RTL4: variants seen among roughly 807,000 people sequenced by gnomAD.
RTL4 encodes retrotransposon Gag-like protein 4.
In RTL4, 4 loss-of-function variants were observed where a neutral mutation model predicts 5.3. That is an observed-to-expected ratio of 0.75 (90% CI 0.37 to 1.72). The LOEUF (loss-of-function observed/expected upper bound fraction) is 1.72. Ranked by LOEUF, RTL4 falls within the 40% of genes most tolerant of loss-of-function variation. RTL4 has a pLI of 0.04. For synonymous variants in RTL4, 98 were observed against 87.3 expected (o/e 1.12, Z -0.68); for missense variants, 260 against 227.1 (o/e 1.14, Z -0.93).
the RTL4 span, among the ~76,000 whole-genome samples, chrX:112,381,080 G>A: frequency 9.0e-6 from 1 of 111,384 alleles, no homozygotes; most frequent in Non-Finnish European, 1.9e-5. Context: ...AGCCTCCAGG[G>A]TTGCTGGGCA....
the RTL4 span, among the ~76,000 whole-genome samples, chrX:112,380,003 C>T: frequency 9.0e-6 from 1 of 111,217 alleles, no homozygotes; most frequent in Non-Finnish European, 1.9e-5. Flanking sequence ...TATCTCAACT[C>T]TGGAAATCAC....
chrX:112,143,774 G>T, the RTL4 span, among the ~76,000 whole-genome samples: 1 of 111,347 alleles, frequency 9.0e-6, no homozygotes, highest in African/African-American at 3.3e-5. Context: ...AGAATTTCTG[G>T]GTATGGGTCC....
chrX:112,264,116 G>C, the RTL4 span, among the ~76,000 whole-genome samples: 8 of 111,235 alleles, frequency 7.2e-5, no homozygotes, highest in African/African-American at 2.3e-4. Context: ...TCAAGTGTCT[G>C]GTCCAAACCA....
chrX:112,381,119 A>C, the RTL4 span, among the ~76,000 whole-genome samples: 1 of 110,622 alleles, frequency 9.0e-6, no homozygotes, highest in Admixed American at 9.5e-5. Flanking sequence ...CACCGAACGG[A>C]TAAACTACGG....
At chrX:112,202,668 C>T in the RTL4 span, among the ~76,000 whole-genome samples, 1 of 108,808 alleles carries the variant, frequency 9.2e-6, no homozygotes, top group Non-Finnish European at 1.9e-5. Flanking sequence ...TCAAGCGATT[C>T]TCCTGCCTCA....
At chrX:112,455,466 C>G in exon 1 of RTL4, 8 of 1,210,977 alleles carry the variant, frequency 6.6e-6, no homozygotes, top group Non-Finnish European at 7.8e-6. Context: ...CCCTCTTTAG[C>G]CCCACAGATC....
the RTL4 span, among the ~76,000 whole-genome samples, chrX:112,234,171 G>A: frequency 3.6e-5 from 4 of 110,652 alleles, no homozygotes; most frequent in Admixed American, 9.6e-5. Context: ...TAGCCTGGGC[G>A]ACAGAGTGAG....
chrX:112,313,005 G>A, the RTL4 span, among the ~76,000 whole-genome samples: 3 of 111,412 alleles, frequency 2.7e-5, no homozygotes, highest in Admixed American at 9.7e-5. Context: ...GAATGTGTGT[G>A]TGCATACGTA....
chrX:112,353,322 C>T, the RTL4 span, among the ~76,000 whole-genome samples: 4 of 111,354 alleles, frequency 3.6e-5, no homozygotes, highest in Admixed American at 3.8e-4. Flanking sequence ...ACCCAGCCAT[C>T]CTATTACTGG....
At chrX:112,189,079 C>G in the RTL4 span, among the ~76,000 whole-genome samples, 1 of 110,870 alleles carries the variant, frequency 9.0e-6, no homozygotes. Flanking sequence ...GACACAATCC[C>G]AAGCGCCATA....
chrX:112,234,766 A>G, the RTL4 span, among the ~76,000 whole-genome samples: 6 of 112,255 alleles, frequency 5.3e-5, no homozygotes, highest in African/African-American at 1.9e-4. Context: ...AGGTGGGATC[A>G]GCATCACTCC....
the RTL4 span, among the ~76,000 whole-genome samples, chrX:112,125,424 T>A: frequency 9.0e-6 from 1 of 111,287 alleles, no homozygotes; most frequent in African/African-American, 3.3e-5. Context: ...AAACCACCAC[T>A]CTCCCCACAA....
the RTL4 span, among the ~76,000 whole-genome samples, chrX:112,315,115 T>G: frequency 8.9e-6 from 1 of 111,801 alleles, no homozygotes; most frequent in Admixed American, 9.5e-5. Flanking sequence ...AAAAACCTTA[T>G]ATTGCTGAAG....
the RTL4 span, among the ~76,000 whole-genome samples, chrX:112,255,027 A>G: frequency 8.9e-6 from 1 of 111,948 alleles, no homozygotes; most frequent in South Asian, 3.7e-4. Flanking sequence ...CATAACTTAC[A>G]CGTCTCTCAG....
the RTL4 span, among the ~76,000 whole-genome samples, chrX:112,148,004 T>A: frequency 2.7e-5 from 3 of 111,477 alleles, no homozygotes; most frequent in Non-Finnish European, 5.6e-5. Flanking sequence ...GTCTATTTTC[T>A]CCACTAGTTG....
the RTL4 span, among the ~76,000 whole-genome samples, chrX:112,399,870 T>C: frequency 1.8e-5 from 2 of 111,692 alleles, no homozygotes; most frequent in African/African-American, 6.5e-5. Context: ...TTTCTCTGGG[T>C]AAAGTGTTGT....
chrX:112,324,070 G>A, the RTL4 span, among the ~76,000 whole-genome samples: 1 of 112,067 alleles, frequency 8.9e-6, no homozygotes, highest in East Asian at 2.8e-4. Context: ...AAGAAATCTT[G>A]TGTACATTTT....
the RTL4 span, among the ~76,000 whole-genome samples, chrX:112,176,966 A>G: frequency 9.0e-6 from 1 of 110,674 alleles, no homozygotes; most frequent in African/African-American, 3.3e-5. Context: ...TAACATAATG[A>G]CATCCAGTTC....
At chrX:112,321,534 C>CAAAAAAAAAAAAAAA in the RTL4 span, among the ~76,000 whole-genome samples, 1 of 36,410 alleles carries the variant, frequency 2.7e-5, no homozygotes, top group Admixed American at 3.4e-4. Flanking sequence ...GACTCCGTCT[C>CAAAAAAAAAAAAAAA]AAAAAAAAAA....
Sources: allele counts gnomAD v4.1 joint callset (sites outside exome capture counted in the v4.1 genomes callset), GRCh38; gene constraint gnomAD v4.1.1; transcripts MANE v1.5; gene names NCBI Gene and HGNC (gene_info 2026-07-23, HGNC 2026-07-21).